Variants in C16orf46 observed in about 807,000 individuals in gnomAD.
C16orf46 encodes the protein chromosome 16 open reading frame 46, also known as uncharacterized protein C16orf46.
A neutral mutation model predicts 5.5 loss-of-function variants in C16orf46; 7 were observed. The ratio of observed to expected loss-of-function variants is 1.28; its 90% CI spans 0.73 to 2.40. The LOEUF (loss-of-function observed/expected upper bound fraction) is 2.40, where lower values mean the gene tolerates loss of function less well. Among genes scored for constraint, C16orf46 ranks in the 30% most tolerant of loss-of-function variants. C16orf46 has a pLI of 0.00. For synonymous variants in C16orf46, 200 were observed against 184.1 expected (o/e 1.09, Z -0.70); for missense variants, 614 against 476.0 (o/e 1.29, Z -2.70).
intron 1 of C16orf46, chr16:81,076,880 G>C (rs1972060612): frequency 6.6e-6 from 1 of 152,302 alleles, no homozygotes. Flanking sequence ...ATTCAGAAAA[G>C]CGTTCTGGAT....
At chr16:81,056,106 A>T (rs762721561), downstream of C16orf46, 3 of 152,234 alleles carry the variant, frequency 2.0e-5, no homozygotes, top group Non-Finnish European at 4.4e-5. Context: ...TATACATATG[A>T]AGCACAGATT....
Position 81,061,547 on chromosome 16 carries a change from C to T in C16orf46, c.802G>A (p.Glu268Lys). The part of the protein sequence containing the change: ...ADGKGEKRAS[E>K]LAKHPMVNDT... ...TTGACCATAGGGTGTTTGGCCAGCTCACTGGCTCTTTTTTCACCTTTCCCA... is the reference window on the plus strand; with the variant it reads ...TTGACCATAGGGTGTTTGGCCAGCTTACTGGCTCTTTTTTCACCTTTCCCA... The change falls in exon 4 of 4, where the codon GAG (glutamate) becomes AAG (lysine). Residue 268 changes from glutamate to lysine, a missense_variant. Transcript: ENST00000299578. 1 of 1,614,196 alleles carries T rather than the reference C, an allele frequency of 6.2e-7. No individual in the cohort carries two copies. The highest frequency in any genetic ancestry group is 8.5e-7 in the Non-Finnish European group (1 of 1,180,042).
chr16:81,060,884 C>G, downstream of C16orf46: 3 of 863,632 alleles, frequency 3.5e-6, no homozygotes, highest in Non-Finnish European at 4.5e-6. Context: ...GAGGCTGGGG[C>G]TGGCAAGACC....
downstream of C16orf46, among the ~76,000 whole-genome samples, chr16:81,060,208 C>G (rs1298007378): frequency 6.6e-6 from 1 of 152,152 alleles, no homozygotes; most frequent in African/African-American, 2.4e-5. Flanking sequence ...CCTGAAAATG[C>G]AGGAGACGAT....
In C16orf46 at chr16:81,061,549, C is replaced by A. The variant is rs1198292472; in HGVS notation, c.800G>T (p.Ser267Ile). The A allele has an allele frequency of 2.5e-6, 4 of 1,614,208 alleles. No homozygotes were observed. Among genetic ancestry groups the A allele is most frequent in the Non-Finnish European group, 3.4e-6 (4 of 1,180,048 alleles). The change falls in exon 4 of 4, where the codon AGT becomes ATT. Residue 267 changes from serine (S) to isoleucine (I), a missense_variant. Coordinates refer to ENST00000299578, the MANE Select transcript of C16orf46 (RefSeq NM_152337.3). ...GACCATAGGGTGTTTGGCCAGCTCA[C>A]TGGCTCTTTTTTCACCTTTCCCATC... The part of the protein sequence containing the change: ...TADGKGEKRA[S>I]ELAKHPMVND...
chr16:81,063,634 G>T (rs1461275085), intron 3 of C16orf46, 112 bp downstream of exon 3: 4 of 869,258 alleles, frequency 4.6e-6, no homozygotes, highest in Non-Finnish European at 7.2e-6. Flanking sequence ...GTTTCTACAT[G>T]TCATTGATTC....
At position 81,061,481 on chromosome 16, in the gene C16orf46, G is replaced by A. The variant is rs1349656073; in HGVS notation, c.868C>T (p.Leu290=). The A allele has an allele frequency of 6.2e-7, 1 of 1,614,206 alleles. No homozygotes were observed. Among genetic ancestry groups the A allele is most frequent in the Non-Finnish European group, 8.5e-7 (1 of 1,180,038 alleles). ...CAGCGCTGCTCCGGATCGGTCAGCA[G>A]GGATATCTGGGCCGCTGGGGAAGGG... ...SSPSPAAQIS[L]LTDPEQRCLH... Residue 290 remains leucine (L), a synonymous_variant, in exon 4 of 4, where the codon CTG becomes TTG. Coordinates refer to ENST00000299578, the MANE Select transcript of C16orf46 (RefSeq NM_152337.3).
intron 1 of C16orf46, among the ~76,000 whole-genome samples, chr16:81,069,074 G>T (rs1001821260): frequency 4.6e-5 from 7 of 152,056 alleles, no homozygotes; most frequent in South Asian, 2.1e-4. Flanking sequence ...GTTAGAAATG[G>T]ACTTATAAAA....
chr16:81,057,999 C>A, downstream of C16orf46: 1 of 171,938 alleles, frequency 5.8e-6, no homozygotes, highest in South Asian at 1.4e-4. Flanking sequence ...CATTGCACTC[C>A]AGCTTGGACA....
Position 81,061,085 on chromosome 16 carries a change from G to GGGGC in C16orf46, c.*75_*76insGCCC. The GGGGC allele has an allele frequency of 9.0e-7, 1 of 1,108,162 alleles. No individual in the cohort carries two copies. Among genetic ancestry groups the GGGGC allele is most frequent in the Non-Finnish European group, 1.3e-6 (1 of 766,978 alleles). 68.6% of individuals were successfully genotyped at this position (1,108,162 alleles called of 1,614,324 possible). A position where few individuals can be genotyped will look rare whatever the true frequency, so the allele number is the denominator to read the frequency against. Reference sequence around the variant, plus strand: ...GAAAGAGAGAGTGGGGGGTGGGTGGGAAATGAGAGAGAAGAAAGAGAAAGG... The same window carrying GGGGC: ...GAAAGAGAGAGTGGGGGGTGGGTGGGGGGCAAATGAGAGAGAAGAAAGAGAAAGG... On this transcript the variant is annotated 3_prime_UTR_variant, in exon 4 of 4. Transcript: ENST00000299578.
chr16:81,057,675 G>GGTTGCT (rs1555526068), downstream of C16orf46, among the ~76,000 whole-genome samples: 7 of 151,482 alleles, frequency 4.6e-5, no homozygotes, highest in African/African-American at 1.7e-4. Context: ...AGTTCATTTA[G>GGTTGCT]GTTGTTGTTG....
Position 81,071,762 on chromosome 16 carries a change from A to C in C16orf46, c.-128+5374T>G, listed in dbSNP as rs9924068. ...AGTCAATGCATAACATAACTGGTAC[A>C]TATACCGAGTCTCTAAGAGAATAAC... On this transcript the variant is annotated intron_variant, in intron 1 of 3. Transcript: ENST00000299578. 2.4e-3 allele frequency among the ~76,000 whole-genome samples: 373 copies of C among 152,354 alleles called. 2 individuals are homozygous for C. Among genetic ancestry groups the C allele is most frequent in the African/African-American group, 8.5e-3 (353 of 41,576 alleles).
chr16:81,061,391 A>G lies in C16orf46; in HGVS notation c.958T>C (p.Tyr320His). The G allele has an allele frequency of 2.5e-6, 4 of 1,614,154 alleles. No individual in the cohort carries two copies. The highest frequency in any genetic ancestry group is 3.4e-6 in the Non-Finnish European group (4 of 1,180,028). The change falls in exon 4 of 4, where the codon TAC (tyrosine) becomes CAC (histidine). Residue 320 changes from tyrosine to histidine, a missense_variant. By Grantham distance (83) the Tyr-to-His change is moderately conservative. Transcript: ENST00000299578. ...ACPPDPSNVR[Y>H]LAALQLLQKR... ...TGCAGAAGCTGCAAGGCAGCAAGGT[A>G]GCGAACGTTGCTGGGGTCTGGAGGG... is the stretch of plus-strand genomic sequence containing the variant.
chr16:81,066,786 C>T (rs1971668000), intron 1 of C16orf46, among the ~76,000 whole-genome samples: 2 of 152,158 alleles, frequency 1.3e-5, no homozygotes, highest in African/African-American at 2.4e-5. Context: ...CAACCTGATT[C>T]AGTTTGAGAA....
intron 1 of C16orf46, among the ~76,000 whole-genome samples, chr16:81,069,218 C>T (rs1328914120): frequency 1.3e-5 from 2 of 152,160 alleles, no homozygotes; most frequent in African/African-American, 4.8e-5. Flanking sequence ...TACTGTCCGT[C>T]AGTCTCGACT....
At chr16:81,057,557 G>T (rs1046067247), downstream of C16orf46, among the ~76,000 whole-genome samples, 4 of 136,768 alleles carry the variant, frequency 2.9e-5, no homozygotes, top group Non-Finnish European at 4.6e-5. Flanking sequence ...AAAAAAAAAA[G>T]TATGTGTTGG....
chr16:81,063,799 C>A lies in C16orf46; in HGVS notation c.157G>T (p.Glu53Ter). ...CLLDVSDITLEQDEKAKEFII... is the reference protein window; with the variant it reads ...CLLDVSDITL Reference sequence around the variant, plus strand: ...AACTCTTTGGCTTTTTCATCTTGTTCAAGCGTAATGTCACTGACATCGAGA... The same window carrying A: ...AACTCTTTGGCTTTTTCATCTTGTTAAAGCGTAATGTCACTGACATCGAGA... The change falls in exon 3 of 4, where the codon GAA (glutamate) becomes TAA (stop). Residue 53 changes from glutamate (E) to a stop codon, truncating the protein, a stop_gained. Coordinates refer to ENST00000299578, the MANE Select transcript of C16orf46 (RefSeq NM_152337.3). LOFTEE classifies it high-confidence loss of function. 6.2e-7 allele frequency: 1 copy of A among 1,614,026 alleles called. No homozygotes were observed. Among genetic ancestry groups the A allele is most frequent in the South Asian group, 1.1e-5 (1 of 91,054 alleles).
chr16:81,074,677 C>T (rs1308911061), intron 1 of C16orf46, among the ~76,000 whole-genome samples: 1 of 152,108 alleles, frequency 6.6e-6, no homozygotes, highest in Non-Finnish European at 1.5e-5. Context: ...GCCACCACAC[C>T]CAACCCTATA....
intron 2 of C16orf46, among the ~76,000 whole-genome samples, chr16:81,065,681 T>G (rs564759403): frequency 4.7e-4 from 72 of 152,264 alleles, no homozygotes; most frequent in Non-Finnish European, 8.4e-4. Context: ...ACCCACTCCT[T>G]GCTTTCTCTC....
Sources: allele counts gnomAD v4.1 joint callset (sites outside exome capture counted in the v4.1 genomes callset), GRCh38; gene constraint gnomAD v4.1.1; transcripts MANE v1.5; gene names NCBI Gene and HGNC (gene_info 2026-07-23, HGNC 2026-07-21).